PAK3: variants seen among roughly 807,000 people sequenced by gnomAD.
PAK3 encodes p21 (RAC1) activated kinase 3.
In PAK3, 4 loss-of-function variants were observed where a neutral mutation model predicts 41.0. The ratio of observed to expected loss-of-function variants is 0.10; its 90% CI spans 0.05 to 0.22. PAK3 has a LOEUF of 0.22. PAK3 is among the 10% of genes least tolerant of loss of function. PAK3 has a pLI of 1.00. For missense variants in PAK3, 205 were observed against 409.9 expected (o/e 0.50, Z 4.32); for synonymous variants, 146 against 139.6 (o/e 1.05, Z -0.32).
chrX:111,039,097 G>T (rs1180887539), intron 1 of PAK3, among the ~76,000 whole-genome samples: 1 of 112,164 alleles, frequency 8.9e-6, no homozygotes, highest in East Asian at 2.8e-4. Context: ...CTCCTCTGCT[G>T]CTGTCACCCT....
chrX:111,069,019 T>C (rs1351967701), intron 1 of PAK3, among the ~76,000 whole-genome samples: 4 of 111,892 alleles, frequency 3.6e-5, no homozygotes, highest in African/African-American at 1.3e-4. Context: ...TGTGTGCCTC[T>C]ATTTCCCAAT....
At chrX:111,103,438 T>C (rs1177676911) in intron 4 of PAK3, 132 bp downstream of exon 4, 3 of 112,633 alleles carry the variant, frequency 2.7e-5, no homozygotes, top group Non-Finnish European at 5.6e-5. Flanking sequence ...ATGACCCCTA[T>C]GTTCTGGGGA....
At chrX:111,042,836 A>G (rs966010730) in intron 1 of PAK3, among the ~76,000 whole-genome samples, 4 of 112,132 alleles carry the variant, frequency 3.6e-5, no homozygotes, top group Admixed American at 1.9e-4. Flanking sequence ...TAAACTATAA[A>G]GGCAAGGCTG....
chrX:111,157,668 T>C (rs1337008751), intron 8 of PAK3, among the ~76,000 whole-genome samples: 1 of 109,641 alleles, frequency 9.1e-6, no homozygotes, highest in East Asian at 2.9e-4. Flanking sequence ...ATGCCTGTAA[T>C]CCCAGCTACT....
intron 11 of PAK3, among the ~76,000 whole-genome samples, chrX:111,179,320 T>C (rs1415843539): frequency 9.1e-6 from 1 of 110,313 alleles, no homozygotes; most frequent in Non-Finnish European, 1.9e-5. Context: ...TAGTCACAAT[T>C]ACCCATTCAT....
intron 11 of PAK3, among the ~76,000 whole-genome samples, chrX:111,174,932 C>T (rs913526414): frequency 1.8e-5 from 2 of 110,951 alleles, no homozygotes; most frequent in South Asian, 7.8e-4. Flanking sequence ...GCCGTTTTCT[C>T]CCACCGGGAA....
intron 5 of PAK3, among the ~76,000 whole-genome samples, chrX:111,125,201 A>G: frequency 8.9e-6 from 1 of 111,954 alleles, no homozygotes; most frequent in Non-Finnish European, 1.9e-5. Flanking sequence ...TAACTTCCCA[A>G]AGAGGCATTA....
intron 1 of PAK3, among the ~76,000 whole-genome samples, chrX:111,087,335 C>T (rs1353208492): frequency 9.1e-6 from 1 of 109,516 alleles, no homozygotes; most frequent in Non-Finnish European, 1.9e-5. Context: ...GTAGGAGGGG[C>T]AAGCTGTTTC....
intron 1 of PAK3, among the ~76,000 whole-genome samples, chrX:111,029,914 G>A (rs941807522): frequency 2.3e-4 from 26 of 112,178 alleles, no homozygotes; most frequent in African/African-American, 8.4e-4. Context: ...GCATCACATG[G>A]CATTTTAAGG....
rs918698195 is a variant in PAK3, at chrX:111,096,308, G to A, written c.-460G>A. 1 of 111,923 alleles carries A rather than the reference G, an allele frequency of 8.9e-6. No homozygotes were observed. The highest frequency in any genetic ancestry group is 2.9e-4 in the East Asian group (1 of 3,500). The allele number at this position is 111,923 out of a possible 1,213,427, so 9.2% of individuals were successfully genotyped here. ...GAGAAGAGCCAGGGGGAGCGGGCTG[G>A]GCCCGGGGCTGCGGCTGCGGCCGCG... On this transcript the variant is annotated 5_prime_UTR_variant, in exon 1 of 18. Coordinates refer to ENST00000372007, the MANE Select transcript of PAK3 (RefSeq NM_002578.5).
intron 1 of PAK3, among the ~76,000 whole-genome samples, chrX:111,071,127 G>C (rs1055420305): frequency 1.8e-5 from 2 of 111,930 alleles, no homozygotes; most frequent in African/African-American, 6.5e-5. Flanking sequence ...TAATTATCAG[G>C]TATTGGACTC....
In PAK3 at chrX:111,227,081, T is replaced by C. The variant is rs2094956845; in HGVS notation, c.*6634T>C. On this transcript the variant is annotated 3_prime_UTR_variant, in exon 18 of 18. Coordinates refer to ENST00000372007, the MANE Select transcript of PAK3 (RefSeq NM_002578.5). ...TGTAAACCATGTGTAGTGAAATTCT[T>C]CTGTAACTTTGGATTAAAGGTATTT... 4.4e-5 allele frequency: 5 copies of C among 112,510 alleles called. No individual in the cohort carries two copies. Among genetic ancestry groups the C allele is most frequent in the South Asian group, 3.7e-4 (1 of 2,712 alleles). The allele number at this position is 112,510 out of a possible 1,213,427, so 9.3% of individuals were successfully genotyped here.
rs2267498 is a variant in PAK3, at chrX:111,203,869, T to C, written c.1407+7229T>C. ...TGCCAGAGAAGCAAGCATACTTTGC[T>C]AGCACTCAGTCAATATTGTTTTGAA... is the stretch of plus-strand genomic sequence containing the variant. On this transcript the variant is annotated intron_variant, in intron 16 of 17. Transcript: ENST00000372007. Among the ~76,000 whole-genome samples, 38 of 111,680 alleles carry C rather than the reference T, an allele frequency of 3.4e-4. No individual in the cohort carries two copies. The East Asian group carries it at 7.4e-3, about 22-fold the overall frequency.
At chrX:111,038,210 G>C (rs1341500532) in intron 1 of PAK3, among the ~76,000 whole-genome samples, 2 of 112,052 alleles carry the variant, frequency 1.8e-5, no homozygotes, top group African/African-American at 6.5e-5. Flanking sequence ...ATATGTTGGG[G>C]GCAGGAAGCA....
intron 4 of PAK3, among the ~76,000 whole-genome samples, chrX:111,113,940 A>G (rs2093419282): frequency 8.9e-6 from 1 of 111,827 alleles, no homozygotes; most frequent in African/African-American, 3.3e-5. Context: ...CTGTGTCCCT[A>G]CAGAGGACAT....
intron 1 of PAK3, among the ~76,000 whole-genome samples, chrX:111,006,838 TTTCTTTCTTTC>T (rs1411997335): frequency 0.11 from 1,731 of 15,665 alleles, 51 homozygotes; most frequent in African/African-American, 0.15. Flanking sequence ...TCTTTCTTTC[TTTCTTTCTTTC>T]TTTTTTTTTT....
At chrX:111,153,215 C>A (rs1331305563) in intron 8 of PAK3, among the ~76,000 whole-genome samples, 1 of 111,151 alleles carries the variant, frequency 9.0e-6, no homozygotes, top group Non-Finnish European at 1.9e-5. Flanking sequence ...TACCATTGTC[C>A]CCATTTTACA....
At chrX:111,066,373 G>C (rs1325108555) in intron 1 of PAK3, among the ~76,000 whole-genome samples, 1 of 112,036 alleles carries the variant, frequency 8.9e-6, no homozygotes, top group Admixed American at 9.5e-5. Context: ...ATAGTTGTGT[G>C]GTTTTGAGAG....
chrX:111,006,835 TTCTTTCTTTCTTTC>T (rs1269904284), intron 1 of PAK3, among the ~76,000 whole-genome samples: 3 of 13,546 alleles, frequency 2.2e-4, no homozygotes, highest in African/African-American at 3.3e-4. Flanking sequence ...CTTTCTTTCT[TTCTTTCTTTCTTTC>T]TTTTTTTTTT....
Sources: gnomAD v4.1 joint callset for allele counts (sites outside exome capture counted in the v4.1 genomes callset) on GRCh38, gnomAD v4.1.1 for gene constraint, MANE v1.5 for transcripts, NCBI Gene and HGNC (gene_info 2026-07-23, HGNC 2026-07-21) for gene names.